Variants in ANKRD16 observed in about 807,000 individuals in gnomAD.
ANKRD16 encodes the protein ankyrin repeat domain-containing protein 16.
Under a neutral mutation model 37.9 loss-of-function variants are expected in ANKRD16, and 35 were observed. The observed-to-expected ratio is 0.92, with a 90% CI of 0.71 to 1.23. The LOEUF is 1.23. Among genes scored for constraint, ANKRD16 ranks in the 50% most tolerant of loss-of-function variants. The probability of loss-of-function intolerance (pLI) is 0.00; values close to 1 mark genes in which losing one functional copy is unlikely to be tolerated. For synonymous variants in ANKRD16, 206 were observed against 197.2 expected, an observed-to-expected ratio of 1.04 and a Z score of -0.37; for missense variants, 480 against 469.9, an observed-to-expected ratio of 1.02 and a Z score of -0.20.
Position 5,889,174 on chromosome 10 carries a change from C to A in ANKRD16, c.181G>T (p.Gly61Cys). ...DVLAYLAEAW[G>C]MDIEATNRDY... ...CGGTTGGTGGCCTCGATGTCCATGC[C>A]CCAGGCCTCGGCCAGATAGGCCAGC... Residue 61 changes from glycine to cysteine, a missense_variant, in exon 1 of 8, where the codon GGC (glycine) becomes TGC (cysteine). Coordinates refer to ENST00000380094, the MANE Select transcript of ANKRD16 (RefSeq NM_019046.3). 1 of 1,598,472 alleles carries A rather than the reference C, an allele frequency of 6.3e-7. No homozygotes were observed. Among genetic ancestry groups the A allele is most frequent in the Non-Finnish European group, 8.5e-7 (1 of 1,179,482 alleles).
intron 7 of ANKRD16, among the ~76,000 whole-genome samples, chr10:5,875,525 C>T (rs1415032128): frequency 1.3e-5 from 2 of 152,036 alleles, no homozygotes; most frequent in East Asian, 1.9e-4. Context: ...GATAGGGTGG[C>T]CTGGGCAGGC....
chr10:5,870,472 T>G lies in ANKRD16; in HGVS notation c.*33+7625A>C, dbSNP rs1481420376. 2.0e-5 allele frequency among the ~76,000 whole-genome samples: 3 copies of G among 150,926 alleles called. No individual in the cohort carries two copies. Among genetic ancestry groups the G allele is most frequent in the Non-Finnish European group, 4.4e-5 (3 of 67,734 alleles). On this transcript the variant is annotated intron_variant, in intron 7 of 7. Coordinates refer to ENST00000380094, the MANE Select transcript of ANKRD16 (RefSeq NM_019046.3). The surrounding 1 kb of genome is among the most constrained non-coding windows in gnomAD (Gnocchi z 5.0). ...AGGCTGGAATACAAAAGTGCAATCATAGCTCACTGCAGCCTTGACCTCCTG... is the reference window on the plus strand; with the variant it reads ...AGGCTGGAATACAAAAGTGCAATCAGAGCTCACTGCAGCCTTGACCTCCTG...
chr10:5,880,510 A>G, intron 5 of ANKRD16, 134 bp from the exon 6 acceptor site: 1 of 436,384 alleles, frequency 2.3e-6, no homozygotes, highest in Non-Finnish European at 4.0e-6. Flanking sequence ...CCTGAGAGAC[A>G]GGTCTGTGTC....
Position 5,861,721 on chromosome 10 carries a change from C to A in ANKRD16, c.*1004G>T, listed in dbSNP as rs572183544. ...TTTATTATTTACTACACATCAGACACGGTGTTAAGTGGCTTAGATGAAATG... is the reference window on the plus strand; with the variant it reads ...TTTATTATTTACTACACATCAGACAAGGTGTTAAGTGGCTTAGATGAAATG... On this transcript the variant is annotated 3_prime_UTR_variant, in exon 8 of 8. Transcript: ENST00000380094. The A allele has an allele frequency of 6.6e-6, 1 of 151,354 alleles. No individual in the cohort carries two copies. The highest frequency in any genetic ancestry group is 2.4e-5 in the African/African-American group (1 of 41,112). The allele number at this position is 151,354 out of a possible 1,614,324, so 9.4% of individuals were successfully genotyped here.
chr10:5,884,210 C>G (rs1842374364), intron 3 of ANKRD16, 133 bp from the exon 4 acceptor site: 4 of 662,096 alleles, frequency 6.0e-6, no homozygotes, highest in Non-Finnish European at 1.1e-5. Context: ...TCTCTATTCT[C>G]CCCCATCTCA....
chr10:5,885,488 T>C (rs61832952), intron 3 of ANKRD16, among the ~76,000 whole-genome samples: 16,454 of 152,200 alleles, frequency 0.11, 1,122 homozygotes, highest in African/African-American at 0.18. Flanking sequence ...TAAATGAATG[T>C]ATAAATGCTC....
intron 2 of ANKRD16, among the ~76,000 whole-genome samples, chr10:5,887,291 C>T (rs1208910928): frequency 6.6e-6 from 1 of 151,294 alleles, no homozygotes; most frequent in African/African-American, 2.4e-5. Context: ...CAGATACACA[C>T]GAAAAATAAA....
In ANKRD16 at chr10:5,888,048, A is replaced by G; in HGVS notation, c.334T>C (p.Cys112Arg). 1 of 1,614,102 alleles carries G rather than the reference A, an allele frequency of 6.2e-7. No homozygotes were observed. ...KADWTPLMMA[C>R]TRKNLGVIQE... Reference sequence around the variant, plus strand: ...ATCACCCCCAGGTTCTTCCTTGTGCAGGCCATCATCAGAGGAGTCCTAAGG... The same window carrying G: ...ATCACCCCCAGGTTCTTCCTTGTGCGGGCCATCATCAGAGGAGTCCTAAGG... The change falls in exon 2 of 8, where the codon TGC becomes CGC. Residue 112 changes from cysteine to arginine, a missense_variant. By Grantham distance (180) the Cys-to-Arg change is radical. Transcript: ENST00000380094.
chr10:5,879,383 G>A (rs993256381), intron 6 of ANKRD16, among the ~76,000 whole-genome samples: 9 of 151,940 alleles, frequency 5.9e-5, no homozygotes, highest in East Asian at 3.9e-4. Flanking sequence ...CAGAAGAATC[G>A]CTTGAACCCA....
chr10:5,878,985 A>C lies in ANKRD16; in HGVS notation c.929-698T>G, dbSNP rs1460390956. Among the ~76,000 whole-genome samples, 1 of 152,170 alleles carries C rather than the reference A, an allele frequency of 6.6e-6. No homozygotes were observed. The highest frequency in any genetic ancestry group is 6.5e-5 in the Admixed American group (1 of 15,278). Reference sequence around the variant, plus strand: ...CCACAAATAATCACGTAGCCAAAAAAACACTTTTGAACAAGCTTCCCACTC... The same window carrying C: ...CCACAAATAATCACGTAGCCAAAAACACACTTTTGAACAAGCTTCCCACTC... On this transcript the variant is annotated intron_variant, in intron 6 of 7. Transcript: ENST00000380094. The surrounding 1 kb of genome is among the most constrained non-coding windows in gnomAD (Gnocchi z 5.1).
At chr10:5,880,466 T>C in intron 5 of ANKRD16, 90 bp from the exon 6 acceptor site, 1 of 686,832 alleles carries the variant, frequency 1.5e-6, no homozygotes, top group Non-Finnish European at 2.3e-6. Context: ...TCTCAATCAA[T>C]TTAGAAGTTT....
In ANKRD16 at chr10:5,862,182, C is replaced by G. The variant is rs917809717; in HGVS notation, c.*543G>C. ...CCTCCCAAAGTGCTGGGATTACAGG[C>G]ATGAGCCACCGCAACCGGCCCCCAG... On this transcript the variant is annotated 3_prime_UTR_variant, in exon 8 of 8. Coordinates refer to ENST00000380094, the MANE Select transcript of ANKRD16 (RefSeq NM_019046.3). The surrounding 1 kb of genome is among the most constrained non-coding windows in gnomAD (Gnocchi z 6.5). 1 of 259,944 alleles carries G rather than the reference C, an allele frequency of 3.8e-6. No homozygotes were observed. Among genetic ancestry groups the G allele is most frequent in the Non-Finnish European group, 7.7e-6 (1 of 129,986 alleles). 16.1% of individuals were successfully genotyped at this position (259,944 alleles called of 1,614,324 possible). A position where few individuals can be genotyped will look rare whatever the true frequency, so the allele number is the denominator to read the frequency against.
Position 5,889,544 on chromosome 10 carries a change from G to A in ANKRD16, c.-190C>T. 2 of 299,958 alleles carry A rather than the reference G, an allele frequency of 6.7e-6. No homozygotes were observed. The highest frequency in any genetic ancestry group is 1.1e-5 in the Non-Finnish European group (2 of 177,058). The allele number at this position is 299,958 out of a possible 1,614,324, so 18.6% of individuals were successfully genotyped here. A position where few individuals can be genotyped will look rare whatever the true frequency, so the allele number is the denominator to read the frequency against. ...GCAGAGCCGCCTCCTCAAACCCCCG[G>A]CCTAGTCCGCAGGCGGGCTGCCCCC... On this transcript the variant is annotated 5_prime_UTR_variant, in exon 1 of 8. Coordinates refer to ENST00000380094, the MANE Select transcript of ANKRD16 (RefSeq NM_019046.3).
chr10:5,880,304 G>T lies in ANKRD16; in HGVS notation c.922C>A (p.Arg308=). The change falls in exon 6 of 8, where the codon CGA becomes AGA. Residue 308 remains arginine, a synonymous_variant. Transcript: ENST00000380094. ...ADINSKDEKN[R]SALHLACAGQ... is the part of the protein sequence containing the mutation. Reference sequence around the variant, plus strand: ...ATATAAAATTAAACGGTACCTGATCGATTTTTTTCATCTTTAGAATTGATG... The same window carrying T: ...ATATAAAATTAAACGGTACCTGATCTATTTTTTTCATCTTTAGAATTGATG... The T allele has an allele frequency of 1.3e-6, 2 of 1,590,634 alleles. No homozygotes were observed. Among genetic ancestry groups the T allele is most frequent in the Non-Finnish European group, 1.7e-6 (2 of 1,166,704 alleles).
rs1589010879 is a variant in ANKRD16 at position 5,863,696 on chromosome 10, C to T, written c.*34-1005G>A. Among the ~76,000 whole-genome samples the T allele has an allele frequency of 6.6e-6, 1 of 152,228 alleles. No individual in the cohort carries two copies. The highest frequency in any genetic ancestry group is 2.4e-5 in the African/African-American group (1 of 41,498). On this transcript the variant is annotated intron_variant, in intron 7 of 7. Transcript: ENST00000380094. This position sits in a 1 kb window ranked among gnomAD's most constrained non-coding sequence, Gnocchi z 4.7. ...CTGCTGCTCATTCTTTGGGTCCACA[C>T]CAACTTTAAGAGCCATAACACTCAC...
At chr10:5,872,872 A>C (rs1028310748) in intron 7 of ANKRD16, among the ~76,000 whole-genome samples, 1 of 127,854 alleles carries the variant, frequency 7.8e-6, no homozygotes, top group African/African-American at 3.0e-5. Flanking sequence ...TTTATTTTTT[A>C]TTTCTTGAGA....
intron 7 of ANKRD16, among the ~76,000 whole-genome samples, chr10:5,877,520 G>A (rs1477077406): frequency 6.6e-6 from 1 of 152,212 alleles, no homozygotes; most frequent in African/African-American, 2.4e-5. Flanking sequence ...AGCTTAACTA[G>A]CAGTGCTTAG....
chr10:5,866,821 A>G lies in ANKRD16; in HGVS notation c.*34-4130T>C, dbSNP rs1255950212. Among the ~76,000 whole-genome samples, 1 of 152,066 alleles carries G rather than the reference A, an allele frequency of 6.6e-6. No individual in the cohort carries two copies. Among genetic ancestry groups the G allele is most frequent in the Non-Finnish European group, 1.5e-5 (1 of 67,994 alleles). On this transcript the variant is annotated intron_variant, in intron 7 of 7. Transcript: ENST00000380094. The surrounding 1 kb of genome is among the most constrained non-coding windows in gnomAD (Gnocchi z 4.3). ...GGAAGAGACAGAGACAAAGGAGTCA[A>G]AGAGGGAGACAGAGAGAGGAAGAGA...
intron 7 of ANKRD16, among the ~76,000 whole-genome samples, chr10:5,872,352 G>A (rs936110557): frequency 3.3e-5 from 5 of 151,632 alleles, no homozygotes; most frequent in Non-Finnish European, 7.4e-5. Flanking sequence ...GGTGGAGGGC[G>A]CCTGTAATCC....
Sources: gnomAD v4.1 joint callset for allele counts (sites outside exome capture counted in the v4.1 genomes callset) on GRCh38, gnomAD v4.1.1 for gene constraint, Gnocchi (gnomAD v3.1) non-coding constraint, MANE v1.5 for transcripts, NCBI Gene and HGNC (gene_info 2026-07-23, HGNC 2026-07-21) for gene names.